The following TNRC6B variants were observed in gnomAD, a reference collection of about 807,000 sequenced individuals.
TNRC6B encodes the protein trinucleotide repeat-containing gene 6B protein.
In TNRC6B, 52 loss-of-function variants were observed where a neutral mutation model predicts 203.6. The ratio of observed to expected loss-of-function variants is 0.26; its 90% CI spans 0.20 to 0.32. The LOEUF (loss-of-function observed/expected upper bound fraction) is 0.32. Ranked by LOEUF, TNRC6B falls within the 10% of genes least tolerant of loss-of-function variation. The pLI is 1.00. For synonymous variants in TNRC6B, 838 were observed against 845.7 expected (o/e 0.99, Z 0.16); for missense variants, 1,923 against 2,286.2 (o/e 0.84, Z 3.24).
At chr22:40,125,690 G>A in intron 2 of TNRC6B, 1 of 865,832 alleles carries the variant, frequency 1.2e-6, no homozygotes. Context: ...GCCTTATTGA[G>A]AGAATTTCAG....
chr22:40,070,266 CTTTTA>C (rs1373980822), intron 1 of TNRC6B, among the ~76,000 whole-genome samples: 1 of 152,056 alleles, frequency 6.6e-6, no homozygotes, highest in Non-Finnish European at 1.5e-5. Context: ...TATTACTTGA[CTTTTA>C]TTTTGTGATT....
intron 1 of TNRC6B, among the ~76,000 whole-genome samples, chr22:40,183,433 C>T (rs1402809039): frequency 6.6e-6 from 1 of 152,184 alleles, no homozygotes; most frequent in Non-Finnish European, 1.5e-5. Flanking sequence ...ATTCAAGTCC[C>T]TACATTCCTG....
At chr22:40,223,285 C>T (rs769116044) in intron 1 of TNRC6B, among the ~76,000 whole-genome samples, 9 of 152,048 alleles carry the variant, frequency 5.9e-5, no homozygotes, top group Non-Finnish European at 1.0e-4. Context: ...GGATTATAGG[C>T]GTGTGCCACC....
chr22:40,141,030 A>G (rs899726727), intron 3 of TNRC6B, among the ~76,000 whole-genome samples: 3 of 152,126 alleles, frequency 2.0e-5, no homozygotes, highest in Non-Finnish European at 4.4e-5. Context: ...GATGTAGCAA[A>G]GTACAGAGAA....
intron 12 of TNRC6B, among the ~76,000 whole-genome samples, chr22:40,297,778 C>T (rs910028801): frequency 6.6e-6 from 1 of 151,726 alleles, no homozygotes; most frequent in African/African-American, 2.4e-5. Context: ...GGCGAGATCA[C>T]ACCACTGCAC....
intron 1 of TNRC6B, among the ~76,000 whole-genome samples, chr22:40,088,299 T>C (rs2068117846): frequency 6.6e-6 from 1 of 152,240 alleles, no homozygotes; most frequent in Non-Finnish European, 1.5e-5. Context: ...ACAGCGGGCC[T>C]TCTGACTACA....
intron 2 of TNRC6B, among the ~76,000 whole-genome samples, chr22:40,122,995 C>T (rs1212113360): frequency 1.3e-5 from 2 of 152,154 alleles, no homozygotes; most frequent in Admixed American, 6.6e-5. Context: ...AGTCACTGCC[C>T]CTTCCGCTTC....
rs566307247 is a variant in TNRC6B, at chr22:40,205,829, C to T, written c.5+27689C>T. ...ATGCTACTTTGATTGGCAGAACCCA[C>T]CAAGTGAATTTAGGCAGCCAGAAGG... On this transcript the variant is annotated intron_variant, in intron 1 of 22. Transcript: ENST00000454349. Among the ~76,000 whole-genome samples, 15 of 152,294 alleles carry T rather than the reference C, an allele frequency of 9.8e-5. 1 individual carries two copies. In the South Asian group the frequency reaches 2.9e-3, roughly 29 times the overall value.
At chr22:40,201,933 C>T (rs2069417753) in intron 1 of TNRC6B, among the ~76,000 whole-genome samples, 1 of 152,122 alleles carries the variant, frequency 6.6e-6, no homozygotes, top group South Asian at 2.1e-4. Context: ...GTTTGAAACA[C>T]TTCTGTTCCC....
At chr22:40,303,040 CTTCTTCTTTTTTT>C (rs2071044165) in intron 15 of TNRC6B, among the ~76,000 whole-genome samples, 1 of 142,520 alleles carries the variant, frequency 7.0e-6, no homozygotes, top group South Asian at 2.2e-4. Context: ...TCTTCTTCTT[CTTCTTCTTTTTTT>C]TTTTTTTTTT....
chr22:40,204,292 C>T (rs1461895025), intron 1 of TNRC6B, among the ~76,000 whole-genome samples: 1 of 152,208 alleles, frequency 6.6e-6, no homozygotes, highest in Admixed American at 6.5e-5. Flanking sequence ...TTGGTCAGTC[C>T]TGTGAAATGT....
At position 40,334,127 on chromosome 22, in the gene TNRC6B, C is replaced by A. The variant is rs2044009769; in HGVS notation, c.*10886C>A. ...GTCTCTGATCCCTCATGGGTTCTGC[C>A]TGCCCTTGTATCTCTTGTACAATGC... On this transcript the variant is annotated 3_prime_UTR_variant, in exon 23 of 23. Coordinates refer to ENST00000454349, the MANE Select transcript of TNRC6B (RefSeq NM_001162501.2). 1 of 152,602 alleles carries A rather than the reference C, an allele frequency of 6.6e-6. No individual in the cohort carries two copies. The highest frequency in any genetic ancestry group is 2.1e-4 in the South Asian group (1 of 4,828). 9.5% of individuals were successfully genotyped at this position (152,602 alleles called of 1,614,324 possible).
At chr22:40,179,080 AAGTGGTCATTT>A (rs2069101372) in intron 1 of TNRC6B, among the ~76,000 whole-genome samples, 1 of 152,184 alleles carries the variant, frequency 6.6e-6, no homozygotes, top group Non-Finnish European at 1.5e-5. Context: ...ATCCACTGCG[AAGTGGTCATTT>A]AGGGTCACAT....
intron 3 of TNRC6B, among the ~76,000 whole-genome samples, chr22:40,148,560 G>A (rs1237102287): frequency 6.8e-6 from 1 of 147,864 alleles, no homozygotes; most frequent in Non-Finnish European, 1.5e-5. Context: ...TGAGATTACA[G>A]GTGTGGGCCA....
chr22:40,331,772 AG>A lies in TNRC6B; in HGVS notation c.*8535del. 1 of 376,144 alleles carries A rather than the reference AG, an allele frequency of 2.7e-6. No individual in the cohort carries two copies. The highest frequency in any genetic ancestry group is 4.7e-6 in the Non-Finnish European group (1 of 210,864). 23.3% of individuals were successfully genotyped at this position (376,144 alleles called of 1,614,324 possible). ...AGGGGGTGGGGAGGAGAGGGCAGAA[AG>A]GGGAAGGGAGTAGCGTTGCATCCTT... On this transcript the variant is annotated 3_prime_UTR_variant, in exon 23 of 23. Coordinates refer to ENST00000454349, the MANE Select transcript of TNRC6B (RefSeq NM_001162501.2).
At chr22:40,055,879 T>C (rs1022566966) in intron 1 of TNRC6B, among the ~76,000 whole-genome samples, 7 of 152,186 alleles carry the variant, frequency 4.6e-5, no homozygotes, top group Non-Finnish European at 1.0e-4. Flanking sequence ...CTCTGGTATA[T>C]GTTCTGGGAA....
chr22:40,227,975 A>G (rs180811081), intron 1 of TNRC6B, among the ~76,000 whole-genome samples: 7 of 152,296 alleles, frequency 4.6e-5, no homozygotes, highest in Admixed American at 3.9e-4. Context: ...TCTGTAGAGA[A>G]TAGTTCTTTC....
upstream of TNRC6B, among the ~76,000 whole-genome samples, chr22:40,175,250 A>C (rs1169144972): frequency 6.6e-6 from 1 of 151,530 alleles, no homozygotes; most frequent in Non-Finnish European, 1.5e-5. Flanking sequence ...CCAGCTACTC[A>C]GGAGGCTGAG....
At chr22:40,191,198 G>C (rs554116422) in intron 1 of TNRC6B, among the ~76,000 whole-genome samples, 1 of 152,268 alleles carries the variant, frequency 6.6e-6, no homozygotes, top group East Asian at 1.9e-4. Context: ...TGTGTGGTCA[G>C]ATCAGCCCAG....
Sources: allele counts gnomAD v4.1 joint callset (sites outside exome capture counted in the v4.1 genomes callset), GRCh38; gene constraint gnomAD v4.1.1; transcripts MANE v1.5; gene names NCBI Gene and HGNC (gene_info 2026-07-23, HGNC 2026-07-21).